The following UNC13C variants were observed in gnomAD, a reference collection of about 807,000 sequenced individuals.
The protein encoded by UNC13C is protein unc-13 homolog C.
A neutral mutation model predicts 245.4 loss-of-function variants in UNC13C; 174 were observed. The ratio of observed to expected loss-of-function variants is 0.71; its 90% confidence interval spans 0.63 to 0.80. The LOEUF (loss-of-function observed/expected upper bound fraction) is 0.80. Ranked by LOEUF, UNC13C falls within the 30% of genes least tolerant of loss-of-function variation. The probability of loss-of-function intolerance (pLI) is 0.00; values close to 1 mark genes in which losing one functional copy is unlikely to be tolerated. For missense variants in UNC13C, 2,829 were observed against 2,602.9 expected (o/e 1.09, Z -1.89); for synonymous variants, 992 against 895.1 (o/e 1.11, Z -1.93).
chr15:53,940,064 T>C, the UNC13C span, among the ~76,000 whole-genome samples: 1 of 152,152 alleles, frequency 6.6e-6, no homozygotes, highest in Non-Finnish European at 1.5e-5. Flanking sequence ...CATCTCCCTC[T>C]GTGTGGTCTG....
intron 26 of UNC13C, among the ~76,000 whole-genome samples, chr15:54,545,175 C>T (rs1411882534): frequency 1.3e-5 from 2 of 152,080 alleles, no homozygotes; most frequent in East Asian, 3.9e-4. Context: ...TTGAACAAAC[C>T]TGACAAAAAC....
chr15:54,250,543 TC>T, intron 8 of UNC13C, 99 bp downstream of exon 8: 2 of 1,072,152 alleles, frequency 1.9e-6, no homozygotes, highest in East Asian at 5.2e-5. Context: ...TGTCAAGAAA[TC>T]CTACCCGCTC....
At chr15:54,597,968 A>G (rs1345801375) in intron 30 of UNC13C, among the ~76,000 whole-genome samples, 1 of 152,214 alleles carries the variant, frequency 6.6e-6, no homozygotes, top group African/African-American at 2.4e-5. Context: ...TATTGGAGCT[A>G]CCTAGCAAAG....
the UNC13C span, among the ~76,000 whole-genome samples, chr15:53,940,922 T>A: frequency 6.6e-6 from 1 of 152,182 alleles, no homozygotes; most frequent in Non-Finnish European, 1.5e-5. Context: ...CCTATTAAAC[T>A]ACCAGTGCCA....
intron 19 of UNC13C, among the ~76,000 whole-genome samples, chr15:54,461,107 T>A (rs1260348750): frequency 6.6e-6 from 1 of 152,072 alleles, no homozygotes; most frequent in Non-Finnish European, 1.5e-5. Flanking sequence ...AATATAATTT[T>A]TAATTTTTAA....
At chr15:53,975,295 A>G (rs963969649), upstream of UNC13C, among the ~76,000 whole-genome samples, 1 of 152,196 alleles carries the variant, frequency 6.6e-6, no homozygotes, top group Non-Finnish European at 1.5e-5. Flanking sequence ...TCGTTCTCCT[A>G]TACATTATTT....
intron 1 of UNC13C, among the ~76,000 whole-genome samples, chr15:54,001,829 CTT>C (rs1894902664): frequency 6.6e-6 from 1 of 152,216 alleles, no homozygotes; most frequent in African/African-American, 2.4e-5. Flanking sequence ...TGACTTAAGT[CTT>C]TCCTCTATAC....
intron 2 of UNC13C, among the ~76,000 whole-genome samples, chr15:54,105,199 CA>C (rs1355609804): frequency 2.0e-5 from 3 of 152,162 alleles, no homozygotes; most frequent in African/African-American, 7.2e-5. Context: ...TATAGCTTCT[CA>C]GAGTTAATTT....
chr15:54,108,729 A>G (rs572026067), intron 2 of UNC13C, among the ~76,000 whole-genome samples: 1 of 152,284 alleles, frequency 6.6e-6, no homozygotes, highest in African/African-American at 2.4e-5. Context: ...TCTCTGCTTC[A>G]TTCTTATTAC....
rs554005819 is a variant in UNC13C at position 54,555,350 on chromosome 15, G to C, written c.5878-82G>C. On this transcript the variant is annotated intron_variant, in intron 28 of 32. Transcript: ENST00000260323. ...TTCAAATAGGAAGTTTGGCATATGG[G>C]GATAATACAGATTATGTTTTCAAGT... is the stretch of plus-strand genomic sequence containing the variant. The C allele has an allele frequency of 3.2e-5, 35 of 1,096,552 alleles. No homozygotes were observed. In the African/African-American group the frequency reaches 5.2e-4, roughly 16 times the overall value. 67.9% of individuals were successfully genotyped at this position (1,096,552 alleles called of 1,614,324 possible).
At chr15:54,359,395 A>G (rs572216352) in intron 17 of UNC13C, among the ~76,000 whole-genome samples, 7 of 151,996 alleles carry the variant, frequency 4.6e-5, no homozygotes, top group Admixed American at 6.6e-5. Flanking sequence ...AGAAAAGTTA[A>G]TATGTGTTCT....
At chr15:54,398,893 T>C (rs1447739355) in intron 18 of UNC13C, among the ~76,000 whole-genome samples, 1 of 151,648 alleles carries the variant, frequency 6.6e-6, no homozygotes, top group African/African-American at 2.4e-5. Flanking sequence ...TTTACTGGTC[T>C]TAAGAAACAG....
chr15:54,123,262 CTT>C (rs2030803152), intron 2 of UNC13C, among the ~76,000 whole-genome samples: 1 of 151,678 alleles, frequency 6.6e-6, no homozygotes, highest in East Asian at 1.9e-4. Context: ...CCATTCAACT[CTT>C]TTGTCCACTT....
At chr15:54,190,617 A>G (rs1225486669) in intron 4 of UNC13C, among the ~76,000 whole-genome samples, 1 of 152,212 alleles carries the variant, frequency 6.6e-6, no homozygotes, top group African/African-American at 2.4e-5. Flanking sequence ...ATTGTATTCC[A>G]TTGTATAATG....
chr15:54,045,986 G>C (rs76766408), intron 2 of UNC13C, among the ~76,000 whole-genome samples: 2 of 151,666 alleles, frequency 1.3e-5, no homozygotes, highest in Non-Finnish European at 2.9e-5. Flanking sequence ...AGATTCATTC[G>C]GTATTCAATA....
intron 30 of UNC13C, among the ~76,000 whole-genome samples, chr15:54,593,904 T>G (rs1898932496): frequency 6.6e-6 from 1 of 152,190 alleles, no homozygotes; most frequent in South Asian, 2.1e-4. Context: ...TGACCAGTCT[T>G]GTTTTGTCAT....
At chr15:54,420,713 T>C (rs890796708) in intron 19 of UNC13C, among the ~76,000 whole-genome samples, 1 of 152,000 alleles carries the variant, frequency 6.6e-6, no homozygotes, top group Non-Finnish European at 1.5e-5. Flanking sequence ...GCTTCATTTC[T>C]CTCAGCCCTT....
chr15:54,396,682 A>G (rs2140923025), intron 18 of UNC13C, among the ~76,000 whole-genome samples: 2 of 151,636 alleles, frequency 1.3e-5, no homozygotes, highest in East Asian at 3.9e-4. Flanking sequence ...GTACCATGCC[A>G]ACACTTGGTT....
intron 11 of UNC13C, among the ~76,000 whole-genome samples, chr15:54,295,680 C>CAACAA (rs1555445454): frequency 6.7e-6 from 1 of 149,478 alleles, no homozygotes; most frequent in African/African-American, 2.5e-5. Context: ...AGAAGAAGAA[C>CAACAA]AAAAAGAAAA....
Sources: allele counts gnomAD v4.1 joint callset (sites outside exome capture counted in the v4.1 genomes callset), GRCh38; gene constraint gnomAD v4.1.1; transcripts MANE v1.5; gene names NCBI Gene and HGNC (gene_info 2026-07-23, HGNC 2026-07-21).